Variants in MAPT observed in about 807,000 individuals in gnomAD.
MAPT encodes the protein microtubule associated protein tau.
MAPT carries 34 observed loss-of-function variants against 67.9 expected under a neutral mutation model. That is an observed-to-expected ratio of 0.50 (90% CI 0.38 to 0.67). MAPT has a LOEUF of 0.67. Ranked by LOEUF, MAPT falls within the 30% of genes least tolerant of loss-of-function variation. The probability of loss-of-function intolerance (pLI) is 0.00; values close to 1 mark genes in which losing one functional copy is unlikely to be tolerated. For synonymous variants in MAPT, 456 were observed against 464.5 expected, an observed-to-expected ratio of 0.98 and a Z score of 0.23; for missense variants, 881 against 1,115.2, an observed-to-expected ratio of 0.79 and a Z score of 2.99.
intron 12 of MAPT, 95 bp from the exon 13 acceptor site, chr17:46,023,855 AACAGTC>A (rs2076678905): frequency 4.1e-6 from 4 of 980,404 alleles, no homozygotes; most frequent in Non-Finnish European, 6.5e-6. Flanking sequence ...ACAAACAAAA[AACAGTC>A]CCTGGCACTC....
chr17:45,930,391 A>G (rs1251923348), intron 1 of MAPT, among the ~76,000 whole-genome samples: 1 of 150,020 alleles, frequency 6.7e-6, no homozygotes, highest in Non-Finnish European at 1.5e-5. Flanking sequence ...TGGGTGACAG[A>G]GCAAGATTCT....
chr17:45,994,760 C>T (rs1480326159), intron 8 of MAPT, among the ~76,000 whole-genome samples: 2 of 152,172 alleles, frequency 1.3e-5, no homozygotes, highest in Non-Finnish European at 2.9e-5. Context: ...CTTTGGGAGG[C>T]CGAGGCGGGT....
Position 45,897,523 on chromosome 17 carries a change from C to G in MAPT, c.-18+2837C>G, listed in dbSNP as rs62056784. ...GCGCGCGCTTTAAGGAAATGGCTTC[C>G]CTCCAGGACCTCGAGGGATGCAGCT... On this transcript the variant is annotated intron_variant, in intron 1 of 12. Transcript: ENST00000262410. This position sits in a 1 kb window ranked among gnomAD's most constrained non-coding sequence, Gnocchi z 5.0. The G allele has an allele frequency of 0.14, 21,846 of 152,284 alleles. 2,144 individuals are homozygous for G. The highest frequency in any genetic ancestry group is 0.22 in the Middle Eastern group (64 of 294). The allele number at this position is 152,284 out of a possible 1,614,324, so 9.4% of individuals were successfully genotyped here. A position where few individuals can be genotyped will look rare whatever the true frequency, so the allele number is the denominator to read the frequency against.
In MAPT at chr17:45,906,331, C is replaced by A. The variant is rs551401963; in HGVS notation, c.-18+11645C>A. On this transcript the variant is annotated intron_variant, in intron 1 of 12. Coordinates refer to ENST00000262410, the MANE Select transcript of MAPT (RefSeq NM_001377265.1). The surrounding 1 kb of genome is among the most constrained non-coding windows in gnomAD (Gnocchi z 4.3). ...ACCAGACAGGGACTTGGTACAGAAT[C>A]TCATATTCTAATTATGCCTAGGAGC... Among the ~76,000 whole-genome samples the A allele has an allele frequency of 4.5e-4, 68 of 152,242 alleles. No individual in the cohort carries two copies. Among genetic ancestry groups the A allele is most frequent in the South Asian group, 1.2e-3 (6 of 4,818 alleles).
chr17:45,959,830 C>T (rs1006839849), intron 1 of MAPT, among the ~76,000 whole-genome samples: 1 of 151,888 alleles, frequency 6.6e-6, no homozygotes, highest in African/African-American at 2.4e-5. Context: ...TTTAATGCAA[C>T]TTTATTTGTA....
rs115118335 is a variant in MAPT, at chr17:46,022,617, T to C, written c.2287-1339T>C. Among the ~76,000 whole-genome samples the C allele has an allele frequency of 9.5e-3, 1,445 of 152,252 alleles. 21 individuals are homozygous for C. The highest frequency in any genetic ancestry group is 0.034 in the African/African-American group (1,395 of 41,548). ...GGCTTTACCAGATGCTCAAAGAGCC[T>C]AGGACCCAAAAAGGGCTGAGAATGA... On this transcript the variant is annotated intron_variant, in intron 12 of 12. Coordinates refer to ENST00000262410, the MANE Select transcript of MAPT (RefSeq NM_001377265.1).
intron 1 of MAPT, among the ~76,000 whole-genome samples, chr17:45,951,594 C>T (rs149876822): frequency 2.5e-4 from 38 of 152,154 alleles, no homozygotes; most frequent in African/African-American, 8.7e-4. Context: ...TCCAGATTTC[C>T]GTGTCTCCAG....
chr17:45,999,694 T>C, intron 9 of MAPT: 1 of 1,544,006 alleles, frequency 6.5e-7, no homozygotes, highest in Non-Finnish European at 8.8e-7. Flanking sequence ...CCCCAGGTTA[T>C]GACGTCACCA....
chr17:45,966,019 G>A (rs970059097), intron 2 of MAPT, among the ~76,000 whole-genome samples: 4 of 152,172 alleles, frequency 2.6e-5, no homozygotes, highest in Middle Eastern at 3.2e-3. Flanking sequence ...AGCTCCCTTG[G>A]AACTTCAGTT....
chr17:45,964,072 C>T (rs1299987658), intron 2 of MAPT, among the ~76,000 whole-genome samples: 1 of 152,088 alleles, frequency 6.6e-6, no homozygotes, highest in Non-Finnish European at 1.5e-5. Context: ...GGTCAGCCAT[C>T]ACGTGGTGAT....
chr17:46,006,361 C>T (rs965398910), intron 9 of MAPT, among the ~76,000 whole-genome samples: 2 of 152,160 alleles, frequency 1.3e-5, no homozygotes, highest in South Asian at 4.1e-4. Context: ...CACATGTTCT[C>T]ACACATTTGT....
intron 9 of MAPT, among the ~76,000 whole-genome samples, chr17:45,997,733 T>C (rs2004673): frequency 0.15 from 22,060 of 152,012 alleles, 2,139 homozygotes; most frequent in Non-Finnish European, 0.22. Flanking sequence ...GCACTCCAGT[T>C]TGAGCAACAG....
At chr17:45,979,068 G>A (rs2163130) in intron 4 of MAPT, 21,987 of 151,974 alleles carry the variant, frequency 0.14, 2,123 homozygotes, top group Middle Eastern at 0.22. Context: ...CCCTGTGGCT[G>A]ATCCAGGAGC....
At chr17:45,912,413 G>A (rs1287031070) in intron 1 of MAPT, among the ~76,000 whole-genome samples, 1 of 152,196 alleles carries the variant, frequency 6.6e-6, no homozygotes, top group Non-Finnish European at 1.5e-5. Flanking sequence ...ATCCTTGTAA[G>A]AGGAAGGAAG....
chr17:45,983,621 T>G lies in MAPT; in HGVS notation c.1042T>G (p.Ser348Ala), dbSNP rs753640366. ...GAIPLPVDFL[S>A]KVSTEIPASE... Reference sequence around the variant, plus strand: ...CATCCCCCTCCCTGTGGATTTCCTCTCCAAAGTTTCCACAGAGATCCCAGC... The same window carrying G: ...CATCCCCCTCCCTGTGGATTTCCTCGCCAAAGTTTCCACAGAGATCCCAGC... The change falls in exon 5 of 13, where the codon TCC becomes GCC. Residue 348 changes from serine (S) to alanine (A), a missense_variant. Coordinates refer to ENST00000262410, the MANE Select transcript of MAPT (RefSeq NM_001377265.1). 1 of 1,613,412 alleles carries G rather than the reference T, an allele frequency of 6.2e-7. No homozygotes were observed. The highest frequency in any genetic ancestry group is 8.5e-7 in the Non-Finnish European group (1 of 1,179,948).
chr17:45,970,302 A>G (rs1382927165), intron 2 of MAPT, among the ~76,000 whole-genome samples: 1 of 152,096 alleles, frequency 6.6e-6, no homozygotes, highest in Non-Finnish European at 1.5e-5. Context: ...ATAATTATAC[A>G]TCAATTATAC....
intron 1 of MAPT, 96 bp from the exon 2 acceptor site, chr17:45,962,225 C>G: frequency 9.7e-7 from 1 of 1,027,404 alleles, no homozygotes. Context: ...TGAGATCTGC[C>G]TGCCATGAAC....
At chr17:45,948,794 G>A (rs2068758975) in intron 1 of MAPT, among the ~76,000 whole-genome samples, 1 of 152,176 alleles carries the variant, frequency 6.6e-6, no homozygotes. Flanking sequence ...CCTATCATGA[G>A]AAATCCTGCT....
At chr17:45,969,644 C>T (rs1014935203) in intron 2 of MAPT, among the ~76,000 whole-genome samples, 11 of 138,764 alleles carry the variant, frequency 7.9e-5, no homozygotes, top group African/African-American at 2.0e-4. Context: ...ATTCTTCCCT[C>T]GGTTCATCCA....
Sources: gnomAD v4.1 joint callset for allele counts (sites outside exome capture counted in the v4.1 genomes callset) on GRCh38, gnomAD v4.1.1 for gene constraint, Gnocchi (gnomAD v3.1) non-coding constraint, MANE v1.5 for transcripts, NCBI Gene and HGNC (gene_info 2026-07-23, HGNC 2026-07-21) for gene names.